The following KRT17 variants were observed in gnomAD, a reference collection of about 807,000 sequenced individuals.
The protein encoded by KRT17 is keratin 17, also known as keratin, type I cytoskeletal 17.
A neutral mutation model predicts 45.6 loss-of-function variants in KRT17; 29 were observed. That is an observed-to-expected ratio of 0.64 (90% CI 0.47 to 0.87). The LOEUF (loss-of-function observed/expected upper bound fraction) is 0.87, where lower values mean the gene tolerates loss of function less well. Ranked by LOEUF, KRT17 falls within the 40% of genes least tolerant of loss-of-function variation. The probability of loss-of-function intolerance (pLI) is 0.00; values close to 1 mark genes in which losing one functional copy is unlikely to be tolerated. For synonymous variants in KRT17, 219 were observed against 234.6 expected (o/e 0.93, Z 0.61); for missense variants, 536 against 577.8 (o/e 0.93, Z 0.74).
In KRT17 at chr17:41,622,360, C is replaced by A. The variant is rs140804147; in HGVS notation, c.667G>T (p.Glu223Ter). 6.2e-7 allele frequency: 1 copy of A among 1,613,400 alleles called. No individual in the cohort carries two copies. The highest frequency in any genetic ancestry group is 1.7e-5 in the Admixed American group (1 of 60,032). The change falls in exon 3 of 8, where the codon GAG becomes TAG. Residue 223 changes from glutamate to a stop codon, truncating the protein, a stop_gained. Coordinates refer to ENST00000311208, the MANE Select transcript of KRT17 (RefSeq NM_000422.3). LOFTEE classifies it high-confidence loss of function. ...TTCTGCCCCAGCCACCTCACCTCCTCGTGGTTCTTCTTCAGGTAGGCCAGC... is the reference window on the plus strand; with the variant it reads ...TTCTGCCCCAGCCACCTCACCTCCTAGTGGTTCTTCTTCAGGTAGGCCAGC... ...EELAYLKKNH[E>*]EEMNALRGQV... is the part of the protein sequence containing the mutation.
intron 7 of KRT17, 34 bp from the exon 8 acceptor site, chr17:41,619,722 G>A (rs1485487426): frequency 2.2e-5 from 35 of 1,611,688 alleles, no homozygotes; most frequent in Non-Finnish European, 3.0e-5. Context: ...AAGTGGGTAG[G>A]GGCCAGGAGG....
intron 4 of KRT17, 111 bp from the exon 5 acceptor site, chr17:41,621,202 A>G: frequency 7.3e-7 from 1 of 1,364,596 alleles, no homozygotes; most frequent in Non-Finnish European, 1.0e-6. Flanking sequence ...AGCTTCCCAC[A>G]TCCCAAAGCC....
Position 41,619,827 on chromosome 17 carries a change from C to T in KRT17, c.1205-139G>A, listed in dbSNP as rs574436419. The T allele has an allele frequency of 5.2e-6, 8 of 1,538,802 alleles. No individual in the cohort carries two copies. The East Asian group carries it at 1.7e-4, about 33-fold the overall frequency. On this transcript the variant is annotated intron_variant, in intron 7 of 7. Coordinates refer to ENST00000311208, the MANE Select transcript of KRT17 (RefSeq NM_000422.3). ...AGTGCCTCCACTGGCACCTCGACATCACACTGCACACACATCCCTCCTGTC... is the reference window on the plus strand; with the variant it reads ...AGTGCCTCCACTGGCACCTCGACATTACACTGCACACACATCCCTCCTGTC...
In KRT17 at chr17:41,619,667, C is replaced by T. The variant is rs754301737; in HGVS notation, c.1226G>A (p.Arg409His). Residue 409 changes from arginine (R) to histidine (H), a missense_variant, in exon 8 of 8, where the codon CGT (arginine) becomes CAT (histidine). By Grantham distance (29) the Arg-to-His change is conservative (BLOSUM62 0). Coordinates refer to ENST00000311208, the MANE Select transcript of KRT17 (RefSeq NM_000422.3). ...ATCCTGGACCTCTTCCACAATGGTACGCACCTGACGGGTGGTCACCGCTGC... is the reference window on the plus strand; with the variant it reads ...ATCCTGGACCTCTTCCACAATGGTATGCACCTGACGGGTGGTCACCGCTGC... ...KKEPVTTRQV[R>H]TIVEEVQDGK... is the part of the protein sequence containing the mutation. 7.4e-6 allele frequency: 12 copies of T among 1,612,074 alleles called. No homozygotes were observed. The highest frequency in any genetic ancestry group is 5.3e-5 in the African/African-American group (4 of 74,858).
chr17:41,620,684 G>A lies in KRT17; in HGVS notation c.1156C>T (p.Arg386Cys), dbSNP rs752588997. The change falls in exon 6 of 8, where the codon CGC becomes TGC. Residue 386 changes from arginine to cysteine, a missense_variant. Transcript: ENST00000311208. ...TGGGCATCCTCTCCCTCCAGCAGGCGGCGGTAGGTGGCAATCTCCTGCTCC... is the reference window on the plus strand; with the variant it reads ...TGGGCATCCTCTCCCTCCAGCAGGCAGCGGTAGGTGGCAATCTCCTGCTCC... ...RLEQEIATYR[R>C]LLEGEDAHLT... is the part of the protein sequence containing the mutation. 88 of 1,611,948 alleles carry A rather than the reference G, an allele frequency of 5.5e-5. No individual in the cohort carries two copies. The highest frequency in any genetic ancestry group is 2.2e-4 in the Middle Eastern group (1 of 4,554).
At chr17:41,624,045 C>T (rs1908637029) in intron 1 of KRT17, 33 bp downstream of exon 1, 1 of 1,611,788 alleles carries the variant, frequency 6.2e-7, no homozygotes, top group African/African-American at 1.3e-5. Flanking sequence ...GAAGTCATGC[C>T]CCCCGGAGAC....
rs773659419 is a variant in KRT17, at chr17:41,624,356, G to A, written c.154C>T (p.Leu52Phe). ...CAGCTGGAGTAGCTGCTACCCCCGA[G>A]GGTGCTGCCCAGGCCGCCAGCAGAT... ...LGSAGGLGST[L>F]GGSSYSSCYS... is the part of the protein sequence containing the mutation. Residue 52 changes from leucine (L) to phenylalanine (F), a missense_variant, in exon 1 of 8, where the codon CTC (leucine) becomes TTC (phenylalanine). Physicochemically the swap from Leu to Phe is conservative, Grantham distance 22. Coordinates refer to ENST00000311208, the MANE Select transcript of KRT17 (RefSeq NM_000422.3). 2 of 1,611,338 alleles carry A rather than the reference G, an allele frequency of 1.2e-6. No individual in the cohort carries two copies. Among genetic ancestry groups the A allele is most frequent in the African/African-American group, 1.3e-5 (1 of 74,848 alleles).
Position 41,620,520 on chromosome 17 carries a change from C to G in KRT17, c.1204+16G>C. On this transcript the variant is annotated intron_variant, in intron 7 of 7. Coordinates refer to ENST00000311208, the MANE Select transcript of KRT17 (RefSeq NM_000422.3). ...ATGCACCCAACCCCCAGGGCCGAAG[C>G]CACGCAGATACTTACGTTCTTTCTT... is the stretch of plus-strand genomic sequence containing the variant. The G allele has an allele frequency of 6.2e-7, 1 of 1,611,858 alleles. No individual in the cohort carries two copies. Among genetic ancestry groups the G allele is most frequent in the Non-Finnish European group, 8.5e-7 (1 of 1,179,802 alleles).
At chr17:41,622,216 T>C (rs1004520072) in intron 3 of KRT17, 139 bp downstream of exon 3, 28 of 1,088,056 alleles carry the variant, frequency 2.6e-5, no homozygotes, top group Non-Finnish European at 3.8e-5. Context: ...ATCAGGGCTC[T>C]GCAGACAGGG....
At position 41,620,895 on chromosome 17, in the gene KRT17, A is replaced by G; in HGVS notation, c.961-16T>C. The G allele has an allele frequency of 6.2e-7, 1 of 1,614,018 alleles. No homozygotes were observed. Among genetic ancestry groups the G allele is most frequent in the Non-Finnish European group, 8.5e-7 (1 of 1,179,892 alleles). ...GGGATGCTTTCTGCAGGAGGGCAGGAAGACCAGGGGTCAGTGAGGATGGTC... is the reference window on the plus strand; with the variant it reads ...GGGATGCTTTCTGCAGGAGGGCAGGGAGACCAGGGGTCAGTGAGGATGGTC... On this transcript the variant is annotated splice_polypyrimidine_tract_variant and intron_variant, in intron 5 of 7. Coordinates refer to ENST00000311208, the MANE Select transcript of KRT17 (RefSeq NM_000422.3).
intron 1 of KRT17, chr17:41,623,414 A>C (rs943958623): frequency 4.2e-5 from 12 of 283,412 alleles, no homozygotes; most frequent in Non-Finnish European, 7.6e-5. Context: ...TGCCCCTGAC[A>C]GGCTCCCCCA....
rs535587265 is a variant in KRT17 at position 41,620,836 on chromosome 17, T to C, written c.1004A>G (p.Tyr335Cys). 1.9e-6 allele frequency: 3 copies of C among 1,613,746 alleles called. No homozygotes were observed. Among genetic ancestry groups the C allele is most frequent in the African/African-American group, 2.7e-5 (2 of 75,054 alleles). The change falls in exon 6 of 8, where the codon TAC becomes TGC. Residue 335 changes from tyrosine (Y) to cysteine (C), a missense_variant. By Grantham distance (194) the Tyr-to-Cys change is radical (BLOSUM62 -2). Coordinates refer to ENST00000311208, the MANE Select transcript of KRT17 (RefSeq NM_000422.3). Reference protein sequence around the residue: ...EGNLAETENRYCVQLSQIQGL... With the variant: ...EGNLAETENRCCVQLSQIQGL... ...CTGGATCTGGGACAGCTGCACGCAG[T>C]AGCGGTTCTCTGTCTCCGCCAGGTT...
chr17:41,623,943 C>T, intron 1 of KRT17, 135 bp downstream of exon 1: 1 of 1,329,140 alleles, frequency 7.5e-7, no homozygotes, highest in Non-Finnish European at 1.1e-6. Context: ...AGGCAGGTTC[C>T]CAGAAGCTAA....
chr17:41,619,542 T>G lies in KRT17; in HGVS notation c.*52A>C. ...GAGAGGCCGGAGACTGTGGGGCAGA[T>G]GGGGCGGCTGCCTCCCTGCCTCCTG... On this transcript the variant is annotated 3_prime_UTR_variant, in exon 8 of 8. Coordinates refer to ENST00000311208, the MANE Select transcript of KRT17 (RefSeq NM_000422.3). 6.2e-7 allele frequency: 1 copy of G among 1,611,494 alleles called. No individual in the cohort carries two copies. The highest frequency in any genetic ancestry group is 8.5e-7 in the Non-Finnish European group (1 of 1,179,790).
intron 4 of KRT17, among the ~76,000 whole-genome samples, chr17:41,621,338 T>C (rs1244827885): frequency 6.6e-6 from 1 of 152,242 alleles, no homozygotes; most frequent in African/African-American, 2.4e-5. Context: ...CCTGACTTCT[T>C]GAGGGAGACG....
In KRT17 at chr17:41,622,456, G is replaced by A. The variant is rs766061597; in HGVS notation, c.571C>T (p.Arg191Cys). 16 of 1,614,026 alleles carry A rather than the reference G, an allele frequency of 9.9e-6. No individual in the cohort carries two copies. Among genetic ancestry groups the A allele is most frequent in the South Asian group, 2.2e-5 (2 of 91,076 alleles). Residue 191 changes from arginine (R) to cysteine (C), a missense_variant, in exon 3 of 8, where the codon CGC (arginine) becomes TGC (cysteine). Physicochemically the swap from Arg to Cys is radical, Grantham distance 180. Coordinates refer to ENST00000311208, the MANE Select transcript of KRT17 (RefSeq NM_000422.3). ...AGGGTCAGCTCATCCAGCACCCTGCGCAGGCCATTGATGTCGGCCTCCACA... is the reference window on the plus strand; with the variant it reads ...AGGGTCAGCTCATCCAGCACCCTGCACAGGCCATTGATGTCGGCCTCCACA... Reference protein sequence around the residue: ...LSVEADINGLRRVLDELTLAR... With the variant: ...LSVEADINGLCRVLDELTLAR...
intron 1 of KRT17, 79 bp from the exon 2 acceptor site, chr17:41,623,111 C>A: frequency 1.9e-6 from 2 of 1,066,998 alleles, no homozygotes; most frequent in Non-Finnish European, 2.9e-6. Context: ...GATCTTCCTG[C>A]CTCAGGGCCT....
chr17:41,621,086 C>T lies in KRT17; in HGVS notation c.840G>A (p.Glu280=). 2 of 1,613,894 alleles carry T rather than the reference C, an allele frequency of 1.2e-6. No individual in the cohort carries two copies. The highest frequency in any genetic ancestry group is 1.7e-6 in the Non-Finnish European group (2 of 1,179,910). ...DAEDWFFSKT[E]ELNREVATNS... is the part of the protein sequence containing the mutation. ...TGGTGGCCACCTCGCGGTTCAGTTC[C>T]TCTGTCTGCAGACAGGACACAGGAC... The change falls in exon 5 of 8, where the codon GAG becomes GAA. Residue 280 remains glutamate, a synonymous_variant. Transcript: ENST00000311208.
chr17:41,622,236 A>G (rs1332474461), intron 3 of KRT17, 119 bp downstream of exon 3: 1 of 1,322,258 alleles, frequency 7.6e-7, no homozygotes, highest in Non-Finnish European at 1.1e-6. Flanking sequence ...GAAGCCCTCT[A>G]AGGTGACTAA....
Sources: gnomAD v4.1 joint callset for allele counts (sites outside exome capture counted in the v4.1 genomes callset) on GRCh38, gnomAD v4.1.1 for gene constraint, MANE v1.5 for transcripts, NCBI Gene and HGNC (gene_info 2026-07-23, HGNC 2026-07-21) for gene names.